The following COL4A6 variants were observed in gnomAD, a reference collection of about 807,000 sequenced individuals.
COL4A6 encodes the protein collagen alpha-6(IV) chain.
Under a neutral mutation model 126.7 loss-of-function variants are expected in COL4A6, and 59 were observed. That is an observed-to-expected ratio of 0.47 (90% CI 0.38 to 0.58). The LOEUF is 0.58. Ranked by LOEUF, COL4A6 falls within the 20% of genes least tolerant of loss-of-function variation. The pLI is 0.00. For synonymous variants in COL4A6, 547 were observed against 496.6 expected (o/e 1.10, Z -1.35); for missense variants, 1,285 against 1,337.3 (o/e 0.96, Z 0.61).
chrX:108,336,901 CCTA>C (rs1464421662), intron 2 of COL4A6, among the ~76,000 whole-genome samples: 1 of 110,741 alleles, frequency 9.0e-6, no homozygotes, highest in Admixed American at 9.6e-5. Flanking sequence ...TACCCTAACT[CCTA>C]CTTTTCCTTC....
intron 2 of COL4A6, among the ~76,000 whole-genome samples, chrX:108,348,056 A>G (rs1356365084): frequency 1.8e-5 from 2 of 111,410 alleles, no homozygotes; most frequent in South Asian, 3.9e-4. Context: ...CAGAGTCCCA[A>G]TCAGTCACCA....
At chrX:108,183,910 A>G (rs2034766335) in intron 23 of COL4A6, 2 of 297,611 alleles carry the variant, frequency 6.7e-6, no homozygotes, top group Non-Finnish European at 1.1e-5. Context: ...TTGCACCCAC[A>G]TGAGATCAAG....
chrX:108,216,112 C>T (rs1306569552), intron 5 of COL4A6, among the ~76,000 whole-genome samples: 1 of 112,008 alleles, frequency 8.9e-6, no homozygotes, highest in Non-Finnish European at 1.9e-5. Context: ...CCTTTGGTAT[C>T]CACATCTTTT....
At chrX:108,204,528 T>C in intron 11 of COL4A6, 116 bp from the exon 12 acceptor site, 1 of 632,367 alleles carries the variant, frequency 1.6e-6, no homozygotes, top group Non-Finnish European at 2.7e-6. Flanking sequence ...CTTTGGCCTC[T>C]TCACCCTCAT....
chrX:108,290,027 G>A (rs1271330712), intron 3 of COL4A6, among the ~76,000 whole-genome samples: 1 of 112,042 alleles, frequency 8.9e-6, no homozygotes, highest in Non-Finnish European at 1.9e-5. Context: ...ATTTACCAGA[G>A]CATCCCTAAC....
chrX:108,413,032 T>C (rs1490836869), intron 2 of COL4A6, among the ~76,000 whole-genome samples: 1 of 112,251 alleles, frequency 8.9e-6, no homozygotes, highest in Non-Finnish European at 1.9e-5. Flanking sequence ...GGTAATACCT[T>C]GCTGTGGAAT....
chrX:108,257,206 C>T (rs1039323545), intron 3 of COL4A6, among the ~76,000 whole-genome samples: 7 of 111,916 alleles, frequency 6.3e-5, no homozygotes, highest in African/African-American at 2.3e-4. Context: ...TTGATTCAAA[C>T]AAACTTTGCT....
At chrX:108,212,774 A>G (rs2035747915) in intron 6 of COL4A6, among the ~76,000 whole-genome samples, 1 of 111,862 alleles carries the variant, frequency 8.9e-6, no homozygotes, top group Non-Finnish European at 1.9e-5. Context: ...CAAAGGATAC[A>G]TCTCCACTTA....
intron 3 of COL4A6, among the ~76,000 whole-genome samples, chrX:108,293,354 TATG>T (rs1277981733): frequency 1.8e-5 from 2 of 111,790 alleles, no homozygotes; most frequent in African/African-American, 6.5e-5. Context: ...GTGTCTCACC[TATG>T]ATAAGTACTT....
intron 3 of COL4A6, among the ~76,000 whole-genome samples, chrX:108,283,616 G>T (rs1314630690): frequency 6.4e-5 from 7 of 109,914 alleles, no homozygotes; most frequent in African/African-American, 2.3e-4. Flanking sequence ...GGGGATGCGG[G>T]GAGTGGAATG....
At chrX:108,339,358 C>T (rs973798025) in intron 2 of COL4A6, among the ~76,000 whole-genome samples, 1 of 111,778 alleles carries the variant, frequency 8.9e-6, no homozygotes, top group African/African-American at 3.2e-5. Context: ...TTTTGGCTGA[C>T]CTTCGCCCTT....
intron 3 of COL4A6, among the ~76,000 whole-genome samples, chrX:108,270,254 C>A (rs2147758967): frequency 8.9e-6 from 1 of 112,406 alleles, no homozygotes; most frequent in African/African-American, 3.2e-5. Flanking sequence ...TGTCATTTGG[C>A]TCATTCCTTC....
chrX:108,289,114 T>A (rs1407982466), intron 3 of COL4A6, among the ~76,000 whole-genome samples: 1 of 111,825 alleles, frequency 8.9e-6, no homozygotes, highest in Non-Finnish European at 1.9e-5. Flanking sequence ...CAAAGCATAA[T>A]CTTTGATTGG....
At chrX:108,168,487 C>A (rs1418121718) in intron 37 of COL4A6, among the ~76,000 whole-genome samples, 2 of 112,193 alleles carry the variant, frequency 1.8e-5, no homozygotes, top group African/African-American at 6.5e-5. Context: ...AAACAAAATG[C>A]GGTGAGACCT....
chrX:108,327,084 C>G (rs1436760753), intron 2 of COL4A6, among the ~76,000 whole-genome samples: 2 of 111,305 alleles, frequency 1.8e-5, no homozygotes, highest in Non-Finnish European at 3.8e-5. Context: ...CCGTACCTGT[C>G]TGTGGCCTGT....
At chrX:108,205,559 T>A in intron 10 of COL4A6, 79 bp from the exon 11 acceptor site, 3 of 1,128,296 alleles carry the variant, frequency 2.7e-6, no homozygotes, top group Non-Finnish European at 3.6e-6. Flanking sequence ...GAATGCAATC[T>A]TTTTTACCAG....
At chrX:108,237,002 C>T (rs951112318) in intron 3 of COL4A6, among the ~76,000 whole-genome samples, 9 of 111,505 alleles carry the variant, frequency 8.1e-5, no homozygotes, top group African/African-American at 2.9e-4. Context: ...CTTCATTCAT[C>T]TCCTACAATT....
intron 2 of COL4A6, among the ~76,000 whole-genome samples, chrX:108,417,610 T>A (rs748701099): frequency 8.9e-6 from 1 of 111,927 alleles, no homozygotes; most frequent in South Asian, 3.8e-4. Context: ...AATATAGGTA[T>A]AATTTTTAAT....
At chrX:108,305,071 G>C (rs1453550878) in intron 3 of COL4A6, among the ~76,000 whole-genome samples, 1 of 111,884 alleles carries the variant, frequency 8.9e-6, no homozygotes, top group Non-Finnish European at 1.9e-5. Context: ...AGATAGTGGA[G>C]AGCAGACAAG....
Sources: allele counts gnomAD v4.1 joint callset (sites outside exome capture counted in the v4.1 genomes callset), GRCh38; gene constraint gnomAD v4.1.1; transcripts MANE v1.5; gene names NCBI Gene and HGNC (gene_info 2026-07-23, HGNC 2026-07-21).